SLC13A3: variants seen among roughly 807,000 people sequenced by gnomAD.
SLC13A3 encodes the protein Na(+)/dicarboxylate cotransporter 3.
In SLC13A3, 40 loss-of-function variants were observed where a neutral mutation model predicts 59.0. The observed-to-expected ratio is 0.68, with a 90% confidence interval of 0.53 to 0.88. The LOEUF is 0.88. Among genes scored for constraint, SLC13A3 ranks in the 40% least tolerant of loss-of-function variants. SLC13A3 has a pLI of 0.00. For synonymous variants in SLC13A3, 317 were observed against 330.3 expected (o/e 0.96, Z 0.44); for missense variants, 699 against 783.2 (o/e 0.89, Z 1.28).
intron 7 of SLC13A3, among the ~76,000 whole-genome samples, 196 bp from the exon 8 acceptor site, chr20:46,588,359 A>G (rs1384804564): frequency 6.6e-6 from 1 of 152,088 alleles, no homozygotes; most frequent in Non-Finnish European, 1.5e-5. Context: ...TTCCTGTCCT[A>G]GGACTTCCAC....
chr20:46,681,841 C>G (rs951383005), intron 1 of SLC13A3: 1 of 152,162 alleles, frequency 6.6e-6, no homozygotes, highest in Non-Finnish European at 1.5e-5. Context: ...TAGCTCAGGT[C>G]TCTCTTCCTC....
upstream of SLC13A3, among the ~76,000 whole-genome samples, chr20:46,671,645 C>CAGGGAGAAGCAGGATTGGGCAG (rs2063092772): frequency 6.6e-6 from 1 of 152,052 alleles, no homozygotes; most frequent in Admixed American, 6.5e-5. Context: ...GGAAAAGGAA[C>CAGGGAGAAGCAGGATTGGGCAG]AGGGAGAAGC....
chr20:46,645,362 C>T (rs1317442413), intron 1 of SLC13A3, among the ~76,000 whole-genome samples: 3 of 152,166 alleles, frequency 2.0e-5, no homozygotes, highest in African/African-American at 7.2e-5. Flanking sequence ...ACACCGACAC[C>T]TTTGGTGGGT....
At chr20:46,612,020 T>A (rs984032100) in intron 2 of SLC13A3, among the ~76,000 whole-genome samples, 1 of 151,986 alleles carries the variant, frequency 6.6e-6, no homozygotes, top group Non-Finnish European at 1.5e-5. Flanking sequence ...GTATGAGCAG[T>A]GCCTGAGGCT....
chr20:46,634,236 G>C (rs139331458), intron 1 of SLC13A3, among the ~76,000 whole-genome samples: 48 of 152,182 alleles, frequency 3.2e-4, no homozygotes, highest in Non-Finnish European at 2.9e-5. Flanking sequence ...TATCCTCTCT[G>C]GGGGGCTAAT....
intron 10 of SLC13A3, among the ~76,000 whole-genome samples, chr20:46,574,373 T>C (rs1216299169): frequency 6.6e-6 from 1 of 152,148 alleles, no homozygotes; most frequent in Non-Finnish European, 1.5e-5. Context: ...ATTACCCAAC[T>C]CTTAGGGCTG....
At chr20:46,562,844 T>C (rs2061943127) in intron 12 of SLC13A3, among the ~76,000 whole-genome samples, 1 of 152,152 alleles carries the variant, frequency 6.6e-6, no homozygotes, top group Non-Finnish European at 1.5e-5. Context: ...AGGGCCTGCA[T>C]CGCGATTGGT....
chr20:46,651,580 G>C, upstream of SLC13A3: 1 of 1,298,054 alleles, frequency 7.7e-7, no homozygotes, highest in African/African-American at 1.6e-5. Context: ...GCGCCCCTGG[G>C]ACCGGGTGAA....
Position 46,656,558 on chromosome 20 carries a change from T to C in SLC13A3, c.-31+13485A>G, listed in dbSNP as rs1198883764. Among the ~76,000 whole-genome samples, 23 of 146,814 alleles carry C rather than the reference T, an allele frequency of 1.6e-4. 1 individual carries two copies. The East Asian group carries it at 4.3e-3, about 28-fold the overall frequency. ...TATACAGTACATATATTATACTGTA[T>C]ATGATATATACTATACAGTACATAT... On this transcript the variant is annotated intron_variant, in intron 1 of 12. Transcript: ENST00000290317.
chr20:46,597,537 A>G (rs2062326279), intron 4 of SLC13A3, among the ~76,000 whole-genome samples: 1 of 152,118 alleles, frequency 6.6e-6, no homozygotes, highest in Non-Finnish European at 1.5e-5. Context: ...CCCGGGTTCA[A>G]GCGATTCTCC....
chr20:46,566,139 TG>T, intron 11 of SLC13A3, 89 bp downstream of exon 11: 1 of 1,052,238 alleles, frequency 9.5e-7, no homozygotes, highest in Non-Finnish European at 1.5e-6. Flanking sequence ...ATGGCAACTG[TG>T]GCCCCCAGTG....
chr20:46,658,698 G>A (rs979679244), intron 1 of SLC13A3, among the ~76,000 whole-genome samples: 2 of 152,154 alleles, frequency 1.3e-5, no homozygotes, highest in Admixed American at 6.5e-5. Flanking sequence ...TATATTTAGC[G>A]ATAAAAAATA....
In SLC13A3 at chr20:46,651,335, C is replaced by T; in HGVS notation, c.87G>A (p.Pro29=). ...CCTTGGGCGGGAGGGCGAAGACCACCGGCAGCAGCGCGAGCGGCGTGAACA... is the reference window on the plus strand; with the variant it reads ...CCTTGGGCGGGAGGGCGAAGACCACTGGCAGCAGCGCGAGCGGCGTGAACA... ...VLLFTPLALL[P]VVFALPPKEG... is the part of the protein sequence containing the mutation. Residue 29 remains proline, a synonymous_variant, in exon 1 of 13, where the codon CCG becomes CCA. Coordinates refer to ENST00000279027, the MANE Select transcript of SLC13A3 (RefSeq NM_022829.6). 1 of 1,514,030 alleles carries T rather than the reference C, an allele frequency of 6.6e-7. No homozygotes were observed. The highest frequency in any genetic ancestry group is 1.2e-5 in the South Asian group (1 of 80,094). The allele number at this position is 1,514,030 out of a possible 1,614,324, so 93.8% of individuals were successfully genotyped here. A position where few individuals can be genotyped will look rare whatever the true frequency, so the allele number is the denominator to read the frequency against.
intron 3 of SLC13A3, chr20:46,600,532 G>A: frequency 2.6e-6 from 1 of 389,786 alleles, no homozygotes; most frequent in Non-Finnish European, 5.6e-6. Flanking sequence ...CAGGCCTGTT[G>A]GCAGGGGTTT....
intron 1 of SLC13A3, among the ~76,000 whole-genome samples, chr20:46,649,344 C>G (rs554016935): frequency 6.6e-6 from 1 of 152,158 alleles, no homozygotes; most frequent in Non-Finnish European, 1.5e-5. Flanking sequence ...AGCCTCGTAC[C>G]GAATCCTGTA....
chr20:46,576,542 A>G (rs372549609), intron 9 of SLC13A3, among the ~76,000 whole-genome samples: 2 of 152,112 alleles, frequency 1.3e-5, no homozygotes, highest in African/African-American at 4.8e-5. Context: ...ATCTGCAGGG[A>G]GATGAGGCAT....
upstream of SLC13A3, among the ~76,000 whole-genome samples, chr20:46,674,928 G>A (rs2063115657): frequency 6.6e-6 from 1 of 152,112 alleles, no homozygotes. Flanking sequence ...AAGCTGGGCA[G>A]TCGATGGGGC....
At chr20:46,585,538 A>G in intron 8 of SLC13A3, 2 of 1,029,990 alleles carry the variant, frequency 1.9e-6, no homozygotes, top group Middle Eastern at 3.0e-4. Context: ...TTAACATGCA[A>G]TAAAATGCAC....
chr20:46,680,588 A>G (rs757104589), intron 1 of SLC13A3, among the ~76,000 whole-genome samples: 7 of 152,174 alleles, frequency 4.6e-5, no homozygotes, highest in Admixed American at 3.9e-4. Context: ...TGTCCCTTCC[A>G]GGCGTGACAC....
Sources: gnomAD v4.1 joint callset for allele counts (sites outside exome capture counted in the v4.1 genomes callset) on GRCh38, gnomAD v4.1.1 for gene constraint, MANE v1.5 for transcripts, NCBI Gene and HGNC (gene_info 2026-07-23, HGNC 2026-07-21) for gene names.